SLC44A5: variants seen among roughly 807,000 people sequenced by gnomAD.
SLC44A5 encodes the protein solute carrier family 44 member 5, also known as choline transporter-like protein 5.
In SLC44A5, 57 loss-of-function variants were observed where a neutral mutation model predicts 101.8. That is an observed-to-expected ratio of 0.56 (90% CI 0.45 to 0.70). The LOEUF (loss-of-function observed/expected upper bound fraction) is 0.70. Ranked by LOEUF, SLC44A5 falls within the 30% of genes least tolerant of loss-of-function variation. The probability of loss-of-function intolerance (pLI) is 0.00; values close to 1 mark genes in which losing one functional copy is unlikely to be tolerated. For synonymous variants in SLC44A5, 281 were observed against 290.9 expected, an observed-to-expected ratio of 0.97 and a Z score of 0.35; for missense variants, 737 against 853.1, an observed-to-expected ratio of 0.86 and a Z score of 1.70.
intron 2 of SLC44A5, among the ~76,000 whole-genome samples, chr1:75,423,759 G>A (rs12408226): frequency 0.098 from 14,973 of 152,224 alleles, 907 homozygotes; most frequent in Admixed American, 0.19. Context: ...ACCATTAGAT[G>A]GCCTGGGACA....
chr1:75,542,589 GTTA>G (rs970835656), intron 1 of SLC44A5, among the ~76,000 whole-genome samples: 13 of 151,976 alleles, frequency 8.6e-5, no homozygotes, highest in African/African-American at 3.1e-4. Flanking sequence ...CTTTTTTGTA[GTTA>G]TTATTGAAGG....
chr1:75,231,403 C>T (rs182722529), intron 12 of SLC44A5, among the ~76,000 whole-genome samples: 9 of 152,230 alleles, frequency 5.9e-5, no homozygotes, highest in East Asian at 5.8e-4. Context: ...TTTAATGTCA[C>T]GATTTCATAG....
At chr1:75,320,895 T>C (rs1159029268) in intron 4 of SLC44A5, among the ~76,000 whole-genome samples, 2 of 152,102 alleles carry the variant, frequency 1.3e-5, no homozygotes, top group Non-Finnish European at 2.9e-5. Context: ...ACAAATAAGC[T>C]ACTGATACAT....
At chr1:75,475,953 G>C (rs1482492117) in intron 2 of SLC44A5, among the ~76,000 whole-genome samples, 1 of 152,198 alleles carries the variant, frequency 6.6e-6, no homozygotes, top group East Asian at 1.9e-4. Flanking sequence ...GGGAAGCCGA[G>C]GTGGGCGGAT....
chr1:75,249,195 T>A (rs1649362489), intron 7 of SLC44A5, among the ~76,000 whole-genome samples: 1 of 151,786 alleles, frequency 6.6e-6, no homozygotes, highest in Non-Finnish European at 1.5e-5. Context: ...TCAAAAGTCT[T>A]TGAGGGAGAT....
At chr1:75,538,772 G>A (rs1364375366) in intron 2 of SLC44A5, among the ~76,000 whole-genome samples, 1 of 152,168 alleles carries the variant, frequency 6.6e-6, no homozygotes, top group African/African-American at 2.4e-5. Context: ...AAAATTTATT[G>A]TTCCTCTTTG....
chr1:75,473,246 T>A (rs1316487256), intron 2 of SLC44A5, among the ~76,000 whole-genome samples: 4 of 152,176 alleles, frequency 2.6e-5, no homozygotes, highest in African/African-American at 9.6e-5. Flanking sequence ...CTTTGCATAA[T>A]CCTTCAAAAA....
chr1:75,618,745 T>C, the SLC44A5 span, among the ~76,000 whole-genome samples: 1 of 152,098 alleles, frequency 6.6e-6, no homozygotes, highest in Non-Finnish European at 1.5e-5. Context: ...TGCTAAGTAT[T>C]TGTGTATCCA....
At chr1:75,601,340 A>C (rs892632405) in intron 1 of SLC44A5, among the ~76,000 whole-genome samples, 1 of 141,564 alleles carries the variant, frequency 7.1e-6, no homozygotes, top group East Asian at 2.3e-4. Context: ...ACACATGGAC[A>C]CAGGGAGGGG....
At chr1:75,362,270 T>C (rs941320264) in intron 3 of SLC44A5, among the ~76,000 whole-genome samples, 2 of 151,954 alleles carry the variant, frequency 1.3e-5, no homozygotes, top group African/African-American at 2.4e-5. Flanking sequence ...TTTTCTATTG[T>C]TTTTCTAGTC....
chr1:75,478,904 A>T (rs1431577613), intron 2 of SLC44A5, among the ~76,000 whole-genome samples: 1 of 152,238 alleles, frequency 6.6e-6, no homozygotes, highest in Non-Finnish European at 1.5e-5. Flanking sequence ...AGAGGACCTA[A>T]TAGACATCTA....
intron 1 of SLC44A5, among the ~76,000 whole-genome samples, chr1:75,575,186 C>T (rs543680034): frequency 2.6e-5 from 4 of 152,298 alleles, no homozygotes; most frequent in East Asian, 3.9e-4. Context: ...CACATACTTT[C>T]GATGCAGCCT....
chr1:75,611,243 A>AG (rs758675667), upstream of SLC44A5: 40 of 202,204 alleles, frequency 2.0e-4, no homozygotes, highest in Non-Finnish European at 3.2e-4. Context: ...GAGTATAAAG[A>AG]GGGGGAGGAG....
chr1:75,209,451 T>G (rs1483268102), intron 23 of SLC44A5, among the ~76,000 whole-genome samples: 2 of 152,220 alleles, frequency 1.3e-5, no homozygotes, highest in Non-Finnish European at 2.9e-5. Flanking sequence ...GTGCTTGACC[T>G]TACTCGTGCT....
chr1:75,339,755 G>T, intron 3 of SLC44A5, 125 bp from the exon 4 acceptor site: 2 of 721,232 alleles, frequency 2.8e-6, no homozygotes, highest in Non-Finnish European at 4.3e-6. Context: ...TTCATACTTT[G>T]GTTTGATGAA....
At chr1:75,363,716 AC>A (rs1659664856) in intron 3 of SLC44A5, among the ~76,000 whole-genome samples, 1 of 152,158 alleles carries the variant, frequency 6.6e-6, no homozygotes, top group Non-Finnish European at 1.5e-5. Context: ...CATCACCCTT[AC>A]AATATCAGAA....
chr1:75,312,337 A>C (rs1283735634), intron 4 of SLC44A5, among the ~76,000 whole-genome samples: 1 of 152,146 alleles, frequency 6.6e-6, no homozygotes, highest in Non-Finnish European at 1.5e-5. Flanking sequence ...TGTGGATGCA[A>C]CAGGGGAGAA....
chr1:75,585,842 G>A (rs920007225), intron 1 of SLC44A5, among the ~76,000 whole-genome samples: 8 of 152,052 alleles, frequency 5.3e-5, no homozygotes, highest in Admixed American at 4.6e-4. Flanking sequence ...CAAATTGACA[G>A]ACCCCACCCT....
chr1:75,532,842 C>T (rs1670797578), intron 2 of SLC44A5, among the ~76,000 whole-genome samples: 1 of 152,226 alleles, frequency 6.6e-6, no homozygotes, highest in South Asian at 2.1e-4. Flanking sequence ...GAGTTCGAGA[C>T]AAGCCTGGGC....
Sources: gnomAD v4.1 joint callset for allele counts (sites outside exome capture counted in the v4.1 genomes callset) on GRCh38, gnomAD v4.1.1 for gene constraint, MANE v1.5 for transcripts, NCBI Gene and HGNC (gene_info 2026-07-23, HGNC 2026-07-21) for gene names.